Variants in BATF observed in about 807,000 individuals in gnomAD.
The protein encoded by BATF is basic leucine zipper transcriptional factor ATF-like.
Under a neutral mutation model 13.7 loss-of-function variants are expected in BATF, and 5 were observed. That is an observed-to-expected ratio of 0.36 (90% CI 0.19 to 0.77). The LOEUF is 0.77. BATF is among the 30% of genes least tolerant of loss of function. The pLI is 0.51. For missense variants in BATF, 124 were observed against 163.0 expected (o/e 0.76, Z 1.30); for synonymous variants, 72 against 67.5 (o/e 1.07, Z -0.33).
intron 2 of BATF, among the ~76,000 whole-genome samples, chr14:75,544,921 C>T (rs1297056240): frequency 6.6e-6 from 1 of 150,436 alleles, no homozygotes; most frequent in African/African-American, 2.5e-5. Context: ...ACCGGAATTG[C>T]GATCTCCTGG....
At chr14:75,528,033 C>T (rs1887678003) in intron 2 of BATF, among the ~76,000 whole-genome samples, 1 of 152,116 alleles carries the variant, frequency 6.6e-6, no homozygotes, top group South Asian at 2.1e-4. Flanking sequence ...CTTCTCCATC[C>T]ATTATCCTCT....
Position 75,522,532 on chromosome 14 carries a change from G to A in BATF, c.-151G>A. The A allele has an allele frequency of 1.4e-6, 1 of 719,640 alleles. No individual in the cohort carries two copies. The highest frequency in any genetic ancestry group is 1.7e-5 in the South Asian group (1 of 59,466). The allele number at this position is 719,640 out of a possible 1,614,324, so 44.6% of individuals were successfully genotyped here. A position where few individuals can be genotyped will look rare whatever the true frequency, so the allele number is the denominator to read the frequency against. ...GCACCCCAGAGTGAGGAGGACGCAG[G>A]GGTCAGAGGTGGCTACAGGGCAGGC... On this transcript the variant is annotated 5_prime_UTR_variant, in exon 1 of 3. Coordinates refer to ENST00000286639, the MANE Select transcript of BATF (RefSeq NM_006399.5).
intron 2 of BATF, among the ~76,000 whole-genome samples, chr14:75,535,178 C>T (rs1020838519): frequency 1.3e-5 from 2 of 152,092 alleles, no homozygotes; most frequent in African/African-American, 4.8e-5. Context: ...CCAATACATA[C>T]GGAGGCCAAG....
intron 2 of BATF, among the ~76,000 whole-genome samples, chr14:75,529,509 C>T (rs936906918): frequency 6.6e-6 from 1 of 151,802 alleles, no homozygotes; most frequent in African/African-American, 2.4e-5. Context: ...AGACAAATAA[C>T]CATTAAAAAT....
At chr14:75,536,272 G>A (rs774950945) in intron 2 of BATF, among the ~76,000 whole-genome samples, 4 of 152,224 alleles carry the variant, frequency 2.6e-5, no homozygotes, top group African/African-American at 4.8e-5. Context: ...GAGATCAAAG[G>A]TGAATCAAAG....
chr14:75,534,578 T>G (rs2140038432), intron 2 of BATF, among the ~76,000 whole-genome samples: 1 of 152,326 alleles, frequency 6.6e-6, no homozygotes, highest in East Asian at 1.9e-4. Flanking sequence ...AACGCTACAC[T>G]AAGGAGAAAG....
At chr14:75,536,367 A>C (rs1202308529) in intron 2 of BATF, among the ~76,000 whole-genome samples, 1 of 152,122 alleles carries the variant, frequency 6.6e-6, no homozygotes, top group Non-Finnish European at 1.5e-5. Context: ...AAGGTCAGAA[A>C]GGTGCTTGGT....
At chr14:75,523,221 A>AAG (rs4025948) in intron 1 of BATF, among the ~76,000 whole-genome samples, 57,052 of 134,122 alleles carry the variant, frequency 0.43, 13,618 homozygotes, top group South Asian at 0.64. Context: ...AAAAAAAAAA[A>AAG]AAGAAGAAGA....
chr14:75,528,914 T>C (rs1317709864), intron 2 of BATF, among the ~76,000 whole-genome samples: 1 of 151,886 alleles, frequency 6.6e-6, no homozygotes, highest in Non-Finnish European at 1.5e-5. Context: ...CAACAGCAAA[T>C]GGAAGGAAGG....
In BATF at chr14:75,542,086, G is replaced by A. The variant is rs148174030; in HGVS notation, c.169-4376G>A. 5.3e-3 allele frequency among the ~76,000 whole-genome samples: 810 copies of A among 152,270 alleles called. 5 individuals are homozygous for A. The highest frequency in any genetic ancestry group is 0.016 in the African/African-American group (671 of 41,548). ...AAGCCCTGCTCTGCGCCTCCCTCGC[G>A]GGCAATGAGTCTTTGCATCAAACAC... On this transcript the variant is annotated intron_variant, in intron 2 of 2. Coordinates refer to ENST00000286639, the MANE Select transcript of BATF (RefSeq NM_006399.5).
chr14:75,542,712 T>C (rs764790287), intron 2 of BATF, among the ~76,000 whole-genome samples: 1 of 152,212 alleles, frequency 6.6e-6, no homozygotes, highest in Non-Finnish European at 1.5e-5. Context: ...CAGGGCAGGT[T>C]TCTTGGGGGC....
At chr14:75,542,998 G>A (rs939530881) in intron 2 of BATF, among the ~76,000 whole-genome samples, 4 of 152,166 alleles carry the variant, frequency 2.6e-5, no homozygotes, top group African/African-American at 4.8e-5. Context: ...GGTTTGCCCA[G>A]GCTCTTCAGA....
intron 2 of BATF, among the ~76,000 whole-genome samples, chr14:75,543,856 A>G (rs549507911): frequency 2.4e-4 from 37 of 151,772 alleles, no homozygotes; most frequent in Non-Finnish European, 5.0e-4. Flanking sequence ...AAACCAAAAA[A>G]CTGCTGGGCT....
In BATF at chr14:75,539,924, C is replaced by T. The variant is rs144023542; in HGVS notation, c.169-6538C>T. On this transcript the variant is annotated intron_variant, in intron 2 of 2. Coordinates refer to ENST00000286639, the MANE Select transcript of BATF (RefSeq NM_006399.5). ...GGCGGGCTCCACCCTCTGCATGTGA[C>T]GTACAGGGGCTGGTAACTGATGGAG... is the stretch of plus-strand genomic sequence containing the variant. Among the ~76,000 whole-genome samples, 554 of 152,160 alleles carry T rather than the reference C, an allele frequency of 3.6e-3. 2 individuals are homozygous for T. The highest frequency in any genetic ancestry group is 4.9e-3 in the Non-Finnish European group (336 of 68,000).
intron 2 of BATF, among the ~76,000 whole-genome samples, chr14:75,533,427 CA>C (rs888084841): frequency 0.029 from 1,836 of 63,906 alleles, 16 homozygotes; most frequent in African/African-American, 0.063. Flanking sequence ...GACTCCGTCT[CA>C]AAAAAAAAAA....
chr14:75,540,462 G>A (rs1455814782), intron 2 of BATF, among the ~76,000 whole-genome samples: 1 of 152,168 alleles, frequency 6.6e-6, no homozygotes, highest in African/African-American at 2.4e-5. Flanking sequence ...GGGAAAAGAG[G>A]GAAGATAAAA....
intron 2 of BATF, among the ~76,000 whole-genome samples, chr14:75,543,849 C>A (rs72723626): frequency 0.073 from 11,058 of 151,458 alleles, 482 homozygotes; most frequent in Non-Finnish European, 0.1. Flanking sequence ...ACCCAAAAAA[C>A]CAAAAAACTG....
chr14:75,529,404 T>A (rs771545774), intron 2 of BATF, among the ~76,000 whole-genome samples: 37 of 151,834 alleles, frequency 2.4e-4, no homozygotes, highest in Non-Finnish European at 4.6e-4. Flanking sequence ...GAGGCCAAGG[T>A]GGGCAGATCA....
chr14:75,538,208 C>T (rs908118190), intron 2 of BATF, among the ~76,000 whole-genome samples: 3 of 152,166 alleles, frequency 2.0e-5, no homozygotes, highest in Non-Finnish European at 2.9e-5. Context: ...ACCCTCCTGC[C>T]AAAGAAGCCT....
Sources: gnomAD v4.1 joint callset for allele counts (sites outside exome capture counted in the v4.1 genomes callset) on GRCh38, gnomAD v4.1.1 for gene constraint, MANE v1.5 for transcripts, NCBI Gene and HGNC (gene_info 2026-07-23, HGNC 2026-07-21) for gene names.